Variants in COCH observed in about 807,000 individuals in gnomAD.
COCH encodes coagulation factor C homolog, cochlin (Limulus polyphemus).
Under a neutral mutation model 54.8 loss-of-function variants are expected in COCH, and 40 were observed. The ratio of observed to expected loss-of-function variants is 0.73; its 90% CI spans 0.57 to 0.95. The LOEUF is 0.95. Among genes scored for constraint, COCH ranks in the 40% least tolerant of loss-of-function variants. COCH has a pLI of 0.00. For synonymous variants in COCH, 256 were observed against 237.9 expected, an observed-to-expected ratio of 1.08 and a Z score of -0.70; for missense variants, 605 against 675.0, an observed-to-expected ratio of 0.90 and a Z score of 1.15.
At chr14:30,875,342 C>T (rs577213350) in intron 3 of COCH, 7 of 626,796 alleles carry the variant, frequency 1.1e-5, no homozygotes, top group Non-Finnish European at 1.9e-5. Context: ...TCTCCAAGAG[C>T]ACTAGGAAGA....
intron 8 of COCH, among the ~76,000 whole-genome samples, chr14:30,883,014 A>AT (rs1216269645): frequency 1.3e-5 from 2 of 152,168 alleles, no homozygotes; most frequent in African/African-American, 4.8e-5. Context: ...CATTTCTGTT[A>AT]TTTTTTACAA....
rs540895576 is a variant in COCH, at chr14:30,878,842, C to T, written c.271C>T (p.Arg91Ter). ...GVISNSGGPV[R>*]VYSLPGRENY... ...AATCAGCAACTCAGGGGGACCTGTA[C>T]GAGTCTATAGCCTACCTGGTCGAGA... Residue 91 changes from arginine (R) to a stop codon, truncating the protein, a stop_gained, in exon 5 of 12, where the codon CGA becomes TGA. Transcript: ENST00000396618. LOFTEE classifies it high-confidence loss of function. 1.8e-5 allele frequency: 29 copies of T among 1,614,032 alleles called. No individual in the cohort carries two copies. The highest frequency in any genetic ancestry group is 8.9e-5 in the East Asian group (4 of 44,888).
chr14:30,889,540 T>A (rs574914268), intron 11 of COCH, 76 bp from the exon 12 acceptor site: 88 of 1,322,858 alleles, frequency 6.7e-5, no homozygotes, highest in South Asian at 6.5e-4. Flanking sequence ...TAACAGTGTA[T>A]GGAAAACATA....
At chr14:30,878,238 G>A (rs991908034) in intron 4 of COCH, among the ~76,000 whole-genome samples, 2 of 152,206 alleles carry the variant, frequency 1.3e-5, no homozygotes, top group African/African-American at 4.8e-5. Flanking sequence ...AAATTGTTTG[G>A]TGCTCTGAAT....
At chr14:30,886,388 A>C in intron 11 of COCH, 76 bp downstream of exon 11, 8 of 1,513,408 alleles carry the variant, frequency 5.3e-6, no homozygotes, top group Non-Finnish European at 7.3e-6. Flanking sequence ...TAAAAATTTA[A>C]GCATTTATTT....
In COCH at chr14:30,877,611, T is replaced by C; in HGVS notation, c.122T>C (p.Ile41Thr). The C allele has an allele frequency of 6.2e-7, 1 of 1,614,212 alleles. No individual in the cohort carries two copies. The highest frequency in any genetic ancestry group is 8.5e-7 in the Non-Finnish European group (1 of 1,180,030). Residue 41 changes from isoleucine (I) to threonine (T), a missense_variant, in exon 4 of 12, where the codon ATC (isoleucine) becomes ACC (threonine). Coordinates refer to ENST00000396618, the MANE Select transcript of COCH (RefSeq NM_004086.3). This position sits in a 1 kb window ranked among gnomAD's most constrained non-coding sequence, Gnocchi z 8.6. ...ACATGTTTTACCAGAGGCTTGGACA[T>C]CAGGAAAGAGAAAGCAGATGTCCTC... ...AITCFTRGLD[I>T]RKEKADVLCP...
chr14:30,890,717 T>C (rs1330138799), downstream of COCH: 4 of 321,278 alleles, frequency 1.2e-5, no homozygotes, highest in East Asian at 6.9e-4. Context: ...CATGTAATAA[T>C]ACCAAGAATA....
chr14:30,888,465 T>C (rs1380210344), intron 11 of COCH, among the ~76,000 whole-genome samples: 2 of 152,030 alleles, frequency 1.3e-5, no homozygotes, highest in South Asian at 2.1e-4. Context: ...CAGCATTAGA[T>C]AGATGGTACT....
intron 11 of COCH, 94 bp from the exon 12 acceptor site, chr14:30,889,522 C>A: frequency 8.8e-7 from 1 of 1,132,594 alleles, no homozygotes; most frequent in Non-Finnish European, 1.3e-6. Context: ...GTTTTCGCTG[C>A]AACTATGTAA....
chr14:30,890,903 A>G (rs964759585), downstream of COCH, among the ~76,000 whole-genome samples: 12 of 151,934 alleles, frequency 7.9e-5, no homozygotes, highest in Middle Eastern at 6.8e-3. Flanking sequence ...GCCGGGTGGG[A>G]TGGTGCATGT....
intron 8 of COCH, among the ~76,000 whole-genome samples, chr14:30,882,684 G>T (rs1455807893): frequency 6.6e-6 from 1 of 152,008 alleles, no homozygotes; most frequent in East Asian, 1.9e-4. Flanking sequence ...ATTTCATCAG[G>T]TTAGATTTCT....
intron 11 of COCH, chr14:30,889,381 T>A (rs1344724959): frequency 9.6e-6 from 5 of 519,596 alleles, no homozygotes; most frequent in African/African-American, 9.6e-5. Context: ...AGTGATGACT[T>A]ACCTGTTAAT....
chr14:30,886,426 C>A, intron 11 of COCH, 114 bp downstream of exon 11: 1 of 1,115,762 alleles, frequency 9.0e-7, no homozygotes, highest in Non-Finnish European at 1.3e-6. Flanking sequence ...TGGCTTTACC[C>A]AATATTAACT....
chr14:30,884,770 G>A (rs1895724392), intron 9 of COCH, 114 bp downstream of exon 9: 3 of 1,291,432 alleles, frequency 2.3e-6, no homozygotes, highest in East Asian at 4.9e-5. Flanking sequence ...TCCTGGAACT[G>A]AAATCTTGGC....
At chr14:30,889,490 A>G in intron 11 of COCH, 126 bp from the exon 12 acceptor site, 1 of 827,474 alleles carries the variant, frequency 1.2e-6, no homozygotes, top group Non-Finnish European at 2.0e-6. Flanking sequence ...AGGGGATTTA[A>G]TTGTCCAGAA....
At position 30,877,439 on chromosome 14, in the gene COCH, A is replaced by G; in HGVS notation, c.83-133A>G. 1 of 1,137,230 alleles carries G rather than the reference A, an allele frequency of 8.8e-7. No homozygotes were observed. Among genetic ancestry groups the G allele is most frequent in the Non-Finnish European group, 1.3e-6 (1 of 791,252 alleles). 70.4% of individuals were successfully genotyped at this position (1,137,230 alleles called of 1,614,324 possible). On this transcript the variant is annotated intron_variant, in intron 3 of 11. Transcript: ENST00000396618. The surrounding 1 kb of genome is among the most constrained non-coding windows in gnomAD (Gnocchi z 8.6). ...AAAATCTGGAATGGTATGGAAGGGT[A>G]TATAAGTCAATAGTCATAACTAGAA... is the stretch of plus-strand genomic sequence containing the variant.
chr14:30,879,036 A>T (rs1455171609), intron 5 of COCH, 92 bp downstream of exon 5: 1 of 1,530,796 alleles, frequency 6.5e-7, no homozygotes, highest in Non-Finnish European at 9.0e-7. Context: ...ACCTTGATGG[A>T]AAAACCTGTG....
intron 3 of COCH, 29 bp downstream of exon 3, chr14:30,875,132 G>T: frequency 6.5e-7 from 1 of 1,549,202 alleles, no homozygotes. Flanking sequence ...GTGCGTCCAG[G>T]CGGTCGCAGG....
In COCH at chr14:30,890,112, A is replaced by G; in HGVS notation, c.*321A>G. The stretch of plus-strand genomic sequence containing the variant: ...ACAGATATGCAAATTCCATAGCTCA[A>G]TAAAAGAATCTGATACTTAGACCAA... On this transcript the variant is annotated 3_prime_UTR_variant, in exon 12 of 12. Transcript: ENST00000396618. 1 of 1,027,624 alleles carries G rather than the reference A, an allele frequency of 9.7e-7. No individual in the cohort carries two copies. Among genetic ancestry groups the G allele is most frequent in the Non-Finnish European group, 1.2e-6 (1 of 854,966 alleles). The allele number at this position is 1,027,624 out of a possible 1,614,324, so 63.7% of individuals were successfully genotyped here. A position where few individuals can be genotyped will look rare whatever the true frequency, so the allele number is the denominator to read the frequency against.
Sources: allele counts gnomAD v4.1 joint callset (sites outside exome capture counted in the v4.1 genomes callset), GRCh38; gene constraint gnomAD v4.1.1; non-coding constraint Gnocchi (gnomAD v3.1); transcripts MANE v1.5; gene names NCBI Gene and HGNC (gene_info 2026-07-23, HGNC 2026-07-21).